The following PLCB1 variants were observed in gnomAD, a reference collection of about 807,000 sequenced individuals.
PLCB1 encodes the protein phospholipase C beta 1, also known as 1-phosphatidylinositol 4,5-bisphosphate phosphodiesterase beta-1.
In PLCB1, 46 loss-of-function variants were observed where a neutral mutation model predicts 161.8. That is an observed-to-expected ratio of 0.28 (90% CI 0.22 to 0.36). The LOEUF (loss-of-function observed/expected upper bound fraction) is 0.36, where lower values mean the gene tolerates loss of function less well. Among genes scored for constraint, PLCB1 ranks in the 10% least tolerant of loss-of-function variants. The pLI, the probability that PLCB1 is intolerant of heterozygous loss-of-function variation, is 1.00. For missense variants in PLCB1, 1,016 were observed against 1,472.5 expected (o/e 0.69, Z 5.07); for synonymous variants, 517 against 503.7 (o/e 1.03, Z -0.35).
chr20:8,590,521 A>C (rs1987117298), intron 3 of PLCB1, among the ~76,000 whole-genome samples: 1 of 152,098 alleles, frequency 6.6e-6, no homozygotes, highest in African/African-American at 2.4e-5. Context: ...CAGTGACTTA[A>C]AACAACACAC....
rs371790121 is a variant in PLCB1, at chr20:8,843,592, CAT to C, written c.3424-38029_3424-38028del. 6.7e-4 allele frequency among the ~76,000 whole-genome samples: 102 copies of C among 151,966 alleles called. 2 individuals carry two copies. The East Asian group carries it at 0.015, about 22-fold the overall frequency. On this transcript the variant is annotated intron_variant, in intron 31 of 31. Coordinates refer to ENST00000338037, the MANE Select transcript of PLCB1 (RefSeq NM_015192.4). ...CGTTGTAGGTATTACTAGACTAACA[CAT>C]GTGTTCATCATAAATGAATGTATAA...
intron 3 of PLCB1, among the ~76,000 whole-genome samples, chr20:8,548,364 CCTT>C (rs760583615): frequency 1.3e-5 from 2 of 148,834 alleles, no homozygotes; most frequent in Non-Finnish European, 3.0e-5. Context: ...TTGTCTCTCT[CCTT>C]CTTTCCTTCC....
chr20:8,357,119 G>GA (rs1420809432), intron 2 of PLCB1, among the ~76,000 whole-genome samples: 1 of 152,126 alleles, frequency 6.6e-6, no homozygotes, highest in Non-Finnish European at 1.5e-5. Context: ...TATTTATTAA[G>GA]AAAAATTATA....
At chr20:8,851,862 C>A (rs1386074797) in intron 31 of PLCB1, among the ~76,000 whole-genome samples, 1 of 152,114 alleles carries the variant, frequency 6.6e-6, no homozygotes, top group African/African-American at 2.4e-5. Context: ...ACCCTTAACC[C>A]TGGCATCTTT....
At chr20:8,493,898 T>C (rs1053886212) in intron 3 of PLCB1, among the ~76,000 whole-genome samples, 1 of 137,166 alleles carries the variant, frequency 7.3e-6, no homozygotes, top group Non-Finnish European at 1.5e-5. Context: ...TAGTAGCCCT[T>C]ACCTTGGTGT....
At chr20:8,325,020 T>G (rs1985091716) in intron 2 of PLCB1, among the ~76,000 whole-genome samples, 1 of 152,232 alleles carries the variant, frequency 6.6e-6, no homozygotes, top group African/African-American at 2.4e-5. Flanking sequence ...TCGGGTGCTT[T>G]TCTTGTGAAG....
chr20:8,742,710 C>A (rs945231888), intron 23 of PLCB1, among the ~76,000 whole-genome samples: 2 of 152,132 alleles, frequency 1.3e-5, no homozygotes, highest in African/African-American at 4.8e-5. Context: ...AAATATTCTT[C>A]TATGACATGA....
At chr20:8,345,696 G>A (rs997097773) in intron 2 of PLCB1, among the ~76,000 whole-genome samples, 3 of 152,186 alleles carry the variant, frequency 2.0e-5, no homozygotes, top group African/African-American at 7.2e-5. Context: ...AAAGGGCAAG[G>A]TGGAGGCAAT....
At chr20:8,642,382 C>T (rs6055968) in intron 4 of PLCB1, among the ~76,000 whole-genome samples, 2,774 of 152,252 alleles carry the variant, frequency 0.018, 74 homozygotes, top group African/African-American at 0.063. Flanking sequence ...TTCTTCACTG[C>T]GTCATTAAGA....
At chr20:8,736,987 T>C (rs369177925) in intron 19 of PLCB1, 41 bp from the exon 20 acceptor site, 1 of 1,497,046 alleles carries the variant, frequency 6.7e-7, no homozygotes, top group Non-Finnish European at 9.3e-7. Flanking sequence ...TATTTGCATA[T>C]CAAAATTCCT....
chr20:8,508,735 T>A (rs1983750433), intron 3 of PLCB1, among the ~76,000 whole-genome samples: 1 of 152,140 alleles, frequency 6.6e-6, no homozygotes, highest in Admixed American at 6.6e-5. Context: ...GCAATGATTA[T>A]TTAAAAATAA....
In PLCB1 at chr20:8,490,744, G is replaced by A. The variant is rs4816066; in HGVS notation, c.246+119294G>A. On this transcript the variant is annotated intron_variant, in intron 3 of 31. Transcript: ENST00000338037. ...CTAATGATGTGAAACACCTTTTCTA[G>A]TGCTTATTTGCCATCCCAGTTTCTT... 7.1e-3 allele frequency among the ~76,000 whole-genome samples: 1,085 copies of A among 152,104 alleles called. 40 individuals carry two copies. Among genetic ancestry groups the A allele is most frequent in the Admixed American group, 0.055 (841 of 15,278 alleles).
At chr20:8,572,732 A>AGCT (rs1383825151) in intron 3 of PLCB1, among the ~76,000 whole-genome samples, 2 of 152,214 alleles carry the variant, frequency 1.3e-5, no homozygotes, top group Non-Finnish European at 2.9e-5. Flanking sequence ...AGATAAAATG[A>AGCT]TGGAGAATTT....
At chr20:8,602,163 C>T (rs545277173) in intron 3 of PLCB1, among the ~76,000 whole-genome samples, 2 of 152,144 alleles carry the variant, frequency 1.3e-5, no homozygotes, top group East Asian at 3.9e-4. Context: ...TTTTCCAATA[C>T]CCATAATGAT....
intron 3 of PLCB1, among the ~76,000 whole-genome samples, chr20:8,601,556 A>G (rs919969950): frequency 6.6e-6 from 1 of 152,222 alleles, no homozygotes; most frequent in Admixed American, 6.5e-5. Flanking sequence ...TGGTAATAAC[A>G]GAAATGTTAA....
At chr20:8,871,132 T>A (rs1987595254) in intron 31 of PLCB1, among the ~76,000 whole-genome samples, 3 of 152,214 alleles carry the variant, frequency 2.0e-5, no homozygotes, top group Admixed American at 1.3e-4. Context: ...GAAAACAGAG[T>A]ATGTGAGAAT....
At chr20:8,299,234 C>G (rs1983781928) in intron 2 of PLCB1, among the ~76,000 whole-genome samples, 1 of 152,122 alleles carries the variant, frequency 6.6e-6, no homozygotes, top group African/African-American at 2.4e-5. Context: ...TTCTCTCTAT[C>G]CATTATCCTG....
intron 2 of PLCB1, among the ~76,000 whole-genome samples, chr20:8,216,795 A>G (rs1427194112): frequency 6.6e-6 from 1 of 152,156 alleles, no homozygotes; most frequent in African/African-American, 2.4e-5. Flanking sequence ...AAAATATTTG[A>G]CATCTGCGGT....
At chr20:8,349,150 G>A (rs990755213) in intron 2 of PLCB1, among the ~76,000 whole-genome samples, 1 of 152,062 alleles carries the variant, frequency 6.6e-6, no homozygotes, top group African/African-American at 2.4e-5. Context: ...AATCAGTGGT[G>A]CACAGACAAT....
Sources: gnomAD v4.1 joint callset for allele counts (sites outside exome capture counted in the v4.1 genomes callset) on GRCh38, gnomAD v4.1.1 for gene constraint, MANE v1.5 for transcripts, NCBI Gene and HGNC (gene_info 2026-07-23, HGNC 2026-07-21) for gene names.